MSRA: variants seen among roughly 807,000 people sequenced by gnomAD.
MSRA encodes mitochondrial peptide methionine sulfoxide reductase.
Under a neutral mutation model 31.3 loss-of-function variants are expected in MSRA, and 54 were observed. The ratio of observed to expected loss-of-function variants is 1.73; its 90% CI spans 1.39 to 2.17. MSRA has a LOEUF of 2.17. Among genes scored for constraint, MSRA ranks in the 30% most tolerant of loss-of-function variants. The pLI is 0.00. For missense variants in MSRA, 507 were observed against 300.9 expected (o/e 1.69, Z -5.07); for synonymous variants, 169 against 116.5 (o/e 1.45, Z -2.90).
At chr8:10,235,024 A>T (rs1811831714) in intron 2 of MSRA, among the ~76,000 whole-genome samples, 1 of 152,122 alleles carries the variant, frequency 6.6e-6, no homozygotes, top group African/African-American at 2.4e-5. Context: ...TTTGCCAGAA[A>T]ATTAAACAGA....
At chr8:10,324,271 G>C (rs1802232952) in intron 5 of MSRA, among the ~76,000 whole-genome samples, 2 of 152,182 alleles carry the variant, frequency 1.3e-5, no homozygotes, top group African/African-American at 4.8e-5. Flanking sequence ...GGCCACATGT[G>C]GCTGGTGGCT....
At chr8:10,423,389 A>T (rs1001474563) in intron 5 of MSRA, among the ~76,000 whole-genome samples, 2 of 152,116 alleles carry the variant, frequency 1.3e-5, no homozygotes, top group Non-Finnish European at 2.9e-5. Flanking sequence ...CCCATCACTG[A>T]CTGGGACACC....
chr8:10,161,849 C>T (rs1002213027), intron 1 of MSRA, among the ~76,000 whole-genome samples: 2 of 152,022 alleles, frequency 1.3e-5, no homozygotes, highest in Non-Finnish European at 2.9e-5. Flanking sequence ...ACCATGGGCC[C>T]TGGGCAAGTC....
chr8:10,353,121 C>T (rs191470933), intron 5 of MSRA, among the ~76,000 whole-genome samples: 112 of 152,306 alleles, frequency 7.4e-4, no homozygotes, highest in African/African-American at 2.6e-3. Context: ...GAGCCACAGA[C>T]AGGCGTGTGC....
At chr8:10,385,514 G>A (rs1473792882) in intron 5 of MSRA, among the ~76,000 whole-genome samples, 3 of 152,176 alleles carry the variant, frequency 2.0e-5, no homozygotes, top group African/African-American at 7.2e-5. Context: ...GACAGGATGG[G>A]TTTGACCTTG....
intron 1 of MSRA, among the ~76,000 whole-genome samples, chr8:10,086,259 C>G (rs545259993): frequency 1.3e-5 from 2 of 152,254 alleles, no homozygotes; most frequent in South Asian, 4.1e-4. Flanking sequence ...TTGAAGATGA[C>G]TCTTGGGTTT....
chr8:10,384,905 G>C (rs1043234740), intron 5 of MSRA, among the ~76,000 whole-genome samples: 1 of 152,132 alleles, frequency 6.6e-6, no homozygotes, highest in African/African-American at 2.4e-5. Flanking sequence ...AGGAAGCTGA[G>C]CCAGAAGGAT....
chr8:10,341,727 C>T (rs79931124), intron 5 of MSRA, among the ~76,000 whole-genome samples: 1,971 of 152,208 alleles, frequency 0.013, 52 homozygotes, highest in African/African-American at 0.044. Flanking sequence ...ATATGAACCT[C>T]GGAGGTTGAT....
chr8:10,320,645 G>C (rs939594030), intron 5 of MSRA, among the ~76,000 whole-genome samples: 1 of 152,096 alleles, frequency 6.6e-6, no homozygotes, highest in Non-Finnish European at 1.5e-5. Flanking sequence ...GTAACAAACA[G>C]TCACAGCCTG....
intron 2 of MSRA, among the ~76,000 whole-genome samples, chr8:10,208,379 A>G (rs1438721204): frequency 6.6e-6 from 1 of 152,156 alleles, no homozygotes; most frequent in Non-Finnish European, 1.5e-5. Context: ...TTTTCAGCAA[A>G]GGCCAATCCC....
At position 10,342,511 on chromosome 8, in the gene MSRA, G is replaced by A. The variant is rs771344002; in HGVS notation, c.543+22522G>A. Among the ~76,000 whole-genome samples the A allele has an allele frequency of 5.3e-5, 8 of 152,110 alleles. No individual in the cohort carries two copies. In the South Asian group the frequency reaches 8.3e-4, roughly 16 times the overall value. ...CCTGGAAAAGATTCTGGAGTTCCCCGGGGGCCTCTGAGCCGCACGGAACTG... is the reference window on the plus strand; with the variant it reads ...CCTGGAAAAGATTCTGGAGTTCCCCAGGGGCCTCTGAGCCGCACGGAACTG... On this transcript the variant is annotated intron_variant, in intron 5 of 5. Transcript: ENST00000317173.
chr8:10,145,457 T>C (rs1014868302), intron 1 of MSRA, among the ~76,000 whole-genome samples: 1 of 152,190 alleles, frequency 6.6e-6, no homozygotes, highest in Non-Finnish European at 1.5e-5. Context: ...CTGAAGAGTG[T>C]ACCATCTGAT....
At chr8:10,177,215 T>C (rs1351037093) in intron 1 of MSRA, among the ~76,000 whole-genome samples, 1 of 151,964 alleles carries the variant, frequency 6.6e-6, no homozygotes, top group African/African-American at 2.4e-5. Context: ...CTTGGAAGAG[T>C]CTTCACAGAA....
intron 5 of MSRA, among the ~76,000 whole-genome samples, chr8:10,368,432 G>T (rs1376994288): frequency 1.3e-5 from 2 of 152,222 alleles, no homozygotes; most frequent in Non-Finnish European, 2.9e-5. Context: ...GAAGATGAAA[G>T]TGTGACTCCT....
intron 3 of MSRA, among the ~76,000 whole-genome samples, chr8:10,253,809 A>G (rs1798037732): frequency 6.6e-6 from 1 of 152,192 alleles, no homozygotes. Context: ...TAATTACTTC[A>G]TAATGACTGA....
intron 1 of MSRA, among the ~76,000 whole-genome samples, chr8:10,106,892 G>T (rs62488698): frequency 5.9e-5 from 8 of 136,034 alleles, no homozygotes; most frequent in African/African-American, 2.1e-4. Flanking sequence ...CCCTCCACCC[G>T]CCTACCCCTC....
chr8:10,129,155 C>T (rs997376456), intron 1 of MSRA, among the ~76,000 whole-genome samples: 15 of 152,248 alleles, frequency 9.9e-5, no homozygotes, highest in African/African-American at 3.4e-4. Context: ...GTGACGGAGA[C>T]TCTGTTTTTT....
intron 1 of MSRA, 149 bp downstream of exon 1, chr8:10,054,807 C>T: frequency 4.9e-6 from 4 of 819,930 alleles, no homozygotes; most frequent in Non-Finnish European, 6.6e-6. Context: ...CGAAGGGGCG[C>T]CGGCAGTGGC....
intron 5 of MSRA, chr8:10,326,721 G>C (rs1272349507): frequency 6.6e-6 from 1 of 151,816 alleles, no homozygotes; most frequent in African/African-American, 2.4e-5. Context: ...TCAAATCTTT[G>C]GTGGAGTTAT....
Sources: allele counts gnomAD v4.1 joint callset (sites outside exome capture counted in the v4.1 genomes callset), GRCh38; gene constraint gnomAD v4.1.1; transcripts MANE v1.5; gene names NCBI Gene and HGNC (gene_info 2026-07-23, HGNC 2026-07-21).